Variants in DACH1 observed in about 807,000 individuals in gnomAD.
DACH1 encodes dachshund family transcription factor 1, also known as dachshund homolog 1.
Under a neutral mutation model 54.2 loss-of-function variants are expected in DACH1, and 12 were observed. The ratio of observed to expected loss-of-function variants is 0.22; its 90% CI spans 0.14 to 0.36. DACH1 has a LOEUF of 0.36. Ranked by LOEUF, DACH1 falls within the 10% of genes least tolerant of loss-of-function variation. The probability of loss-of-function intolerance (pLI) is 1.00; values close to 1 mark genes in which losing one functional copy is unlikely to be tolerated. For missense variants in DACH1, 805 were observed against 929.8 expected (o/e 0.87, Z 1.75); for synonymous variants, 386 against 366.2 (o/e 1.05, Z -0.62).
intron 1 of DACH1, among the ~76,000 whole-genome samples, chr13:71,828,347 T>A (rs1325609034): frequency 6.6e-6 from 1 of 152,010 alleles, no homozygotes; most frequent in African/African-American, 2.4e-5. Flanking sequence ...TGTCTGCTTC[T>A]CTCTCCACAG....
At chr13:71,714,674 G>C (rs934206043) in intron 1 of DACH1, among the ~76,000 whole-genome samples, 6 of 152,016 alleles carry the variant, frequency 3.9e-5, no homozygotes, top group African/African-American at 1.4e-4. Flanking sequence ...TCCCGTTCTT[G>C]AGCTGACTTT....
At chr13:71,608,533 T>A (rs1365060505) in intron 3 of DACH1, among the ~76,000 whole-genome samples, 1 of 151,988 alleles carries the variant, frequency 6.6e-6, no homozygotes, top group Non-Finnish European at 1.5e-5. Flanking sequence ...TACCAGAAAT[T>A]CTTAAAAATA....
intron 2 of DACH1, among the ~76,000 whole-genome samples, chr13:71,671,408 A>T (rs1321537050): frequency 6.6e-6 from 1 of 152,072 alleles, no homozygotes; most frequent in Non-Finnish European, 1.5e-5. Context: ...TAAAGCATGC[A>T]TCTCAAAAGT....
intron 8 of DACH1, 26 bp downstream of exon 8, chr13:71,479,143 T>C (rs1877821412): frequency 1.3e-6 from 2 of 1,579,110 alleles, no homozygotes; most frequent in Non-Finnish European, 1.7e-6. Context: ...TGTAAATATT[T>C]AACTTATCTG....
intron 1 of DACH1, among the ~76,000 whole-genome samples, chr13:71,729,721 G>A (rs138478102): frequency 6.6e-6 from 1 of 151,980 alleles, no homozygotes; most frequent in Non-Finnish European, 1.5e-5. Context: ...GTGTATTGTC[G>A]AAGTTTTCAG....
At chr13:71,531,063 T>A (rs1252310929) in intron 6 of DACH1, among the ~76,000 whole-genome samples, 1 of 152,044 alleles carries the variant, frequency 6.6e-6, no homozygotes, top group Non-Finnish European at 1.5e-5. Flanking sequence ...AAAAGTGAGA[T>A]AATTCTGAAA....
At chr13:71,684,576 C>T (rs1881066620) in intron 1 of DACH1, among the ~76,000 whole-genome samples, 1 of 152,220 alleles carries the variant, frequency 6.6e-6, no homozygotes, top group African/African-American at 2.4e-5. Context: ...AAACTTTAAT[C>T]ATCCTTCTTA....
intron 10 of DACH1, among the ~76,000 whole-genome samples, chr13:71,445,233 T>TA (rs773451988): frequency 6.6e-6 from 1 of 152,198 alleles, no homozygotes; most frequent in Non-Finnish European, 1.5e-5. Context: ...CAAAAATTAT[T>TA]AGCATGTTAG....
At chr13:71,592,494 C>CAAAAAAAAA (rs575364116) in intron 3 of DACH1, among the ~76,000 whole-genome samples, 4 of 32,766 alleles carry the variant, frequency 1.2e-4, no homozygotes, top group Admixed American at 3.6e-4. Flanking sequence ...GACTCTATCT[C>CAAAAAAAAA]AAAAAAAAAA....
chr13:71,654,448 ATAAAATAAAG>A lies in DACH1; in HGVS notation c.965-23741_965-23732del, dbSNP rs1878932750. Among the ~76,000 whole-genome samples, 424 of 104,324 alleles carry A rather than the reference ATAAAATAAAG, an allele frequency of 4.1e-3. 1 individual carries two copies. The highest frequency in any genetic ancestry group is 8.0e-3 in the African/African-American group (219 of 27,332). The allele number at this position is 104,324 out of a possible 152,430, so 68.4% of individuals were successfully genotyped here. A position where few individuals can be genotyped will look rare whatever the true frequency, so the allele number is the denominator to read the frequency against. On this transcript the variant is annotated intron_variant, in intron 2 of 10. Transcript: ENST00000613252. Reference sequence around the variant, plus strand: ...ATAAAATAAAATAAAATAAAATAAAATAAAATAAAGTAAAATAAAATAAAATAAAATAAAA... The same window carrying A: ...ATAAAATAAAATAAAATAAAATAAAATAAAATAAAATAAAATAAAATAAAA...
intron 1 of DACH1, among the ~76,000 whole-genome samples, chr13:71,719,725 C>T (rs1240862961): frequency 1.3e-5 from 2 of 152,062 alleles, no homozygotes; most frequent in African/African-American, 2.4e-5. Flanking sequence ...ATTAGCCTGG[C>T]TTGGTGGCAT....
At position 71,866,231 on chromosome 13, in the gene DACH1, T is replaced by G; in HGVS notation, c.539A>C (p.Glu180Ala). 1 of 1,612,372 alleles carries G rather than the reference T, an allele frequency of 6.2e-7. No homozygotes were observed. Among genetic ancestry groups the G allele is most frequent in the Non-Finnish European group, 8.5e-7 (1 of 1,179,198 alleles). ...KPVYSTPSPVENTPQNNECKM... is the reference protein window; with the variant it reads ...KPVYSTPSPVANTPQNNECKM... ...GCACTCATTATTCTGAGGGGTGTTT[T>G]CCACTGGGGACGGGGTTGAGTACAC... The change falls in exon 1 of 11, where the codon GAA becomes GCA. Residue 180 changes from glutamate (E) to alanine (A), a missense_variant. By Grantham distance (107) the Glu-to-Ala change is moderately radical (BLOSUM62 -1). Coordinates refer to ENST00000613252, the MANE Select transcript of DACH1 (RefSeq NM_080759.6).
intron 2 of DACH1, among the ~76,000 whole-genome samples, chr13:71,677,772 T>A (rs1880659462): frequency 6.6e-6 from 1 of 152,120 alleles, no homozygotes; most frequent in Non-Finnish European, 1.5e-5. Flanking sequence ...CAGGCTGGAG[T>A]GCAGTGGTGC....
At position 71,557,003 on chromosome 13, in the gene DACH1, G is replaced by A. The variant is rs758238497; in HGVS notation, c.1570+21C>T. 7 of 1,571,834 alleles carry A rather than the reference G, an allele frequency of 4.5e-6. No homozygotes were observed. In the East Asian group the frequency reaches 1.2e-4, roughly 26 times the overall value. On this transcript the variant is annotated intron_variant, in intron 6 of 10. Transcript: ENST00000613252. ...AATCTATTGAATCGGGAAAAACAAG[G>A]AATATATAATCATACATTACCTTTT...
Position 71,551,495 on chromosome 13 carries a change from T to A in DACH1, c.1570+5529A>T, listed in dbSNP as rs569490413. ...AGCCTCTGGAAACCAGCAATCTAACTACCTTCATGAGATACGCTTTTGTAG... is the reference window on the plus strand; with the variant it reads ...AGCCTCTGGAAACCAGCAATCTAACAACCTTCATGAGATACGCTTTTGTAG... On this transcript the variant is annotated intron_variant, in intron 6 of 10. Coordinates refer to ENST00000613252, the MANE Select transcript of DACH1 (RefSeq NM_080759.6). Among the ~76,000 whole-genome samples the A allele has an allele frequency of 1.6e-3, 241 of 152,228 alleles. 2 individuals are homozygous for A. The highest frequency in any genetic ancestry group is 5.6e-3 in the African/African-American group (232 of 41,556).
chr13:71,533,657 T>G (rs1882564517), intron 6 of DACH1, among the ~76,000 whole-genome samples: 1 of 151,924 alleles, frequency 6.6e-6, no homozygotes, highest in Non-Finnish European at 1.5e-5. Flanking sequence ...GAAATCTCTA[T>G]GGGAATGTAC....
chr13:71,630,858 T>C, intron 2 of DACH1, 141 bp from the exon 3 acceptor site: 1 of 957,788 alleles, frequency 1.0e-6, no homozygotes, highest in South Asian at 2.4e-5. Context: ...TTATACTCAT[T>C]CCCAACTAGA....
intron 6 of DACH1, among the ~76,000 whole-genome samples, chr13:71,537,269 C>T (rs529284487): frequency 2.6e-5 from 4 of 152,130 alleles, no homozygotes; most frequent in East Asian, 1.9e-4. Context: ...ATCATTCAGC[C>T]GCAGTTCAAA....
intron 1 of DACH1, among the ~76,000 whole-genome samples, chr13:71,845,103 G>A (rs1873140623): frequency 6.6e-6 from 1 of 152,102 alleles, no homozygotes; most frequent in Non-Finnish European, 1.5e-5. Flanking sequence ...TAGCTAGAAG[G>A]AAGATTATTT....
Sources: allele counts gnomAD v4.1 joint callset (sites outside exome capture counted in the v4.1 genomes callset), GRCh38; gene constraint gnomAD v4.1.1; transcripts MANE v1.5; gene names NCBI Gene and HGNC (gene_info 2026-07-23, HGNC 2026-07-21).